The following PRPSAP2 variants were observed in gnomAD, a reference collection of about 807,000 sequenced individuals.
The protein encoded by PRPSAP2 is phosphoribosyl pyrophosphate synthase-associated protein 2.
Under a neutral mutation model 40.6 loss-of-function variants are expected in PRPSAP2, and 24 were observed. That is an observed-to-expected ratio of 0.59 (90% CI 0.43 to 0.83). The LOEUF is 0.83. Ranked by LOEUF, PRPSAP2 falls within the 40% of genes least tolerant of loss-of-function variation. The pLI, the probability that PRPSAP2 is intolerant of heterozygous loss-of-function variation, is 0.00. For synonymous variants in PRPSAP2, 149 were observed against 164.7 expected (o/e 0.90, Z 0.73); for missense variants, 292 against 465.6 (o/e 0.63, Z 3.43).
chr17:18,901,399 A>G (rs1348127255), intron 8 of PRPSAP2, among the ~76,000 whole-genome samples: 2 of 151,226 alleles, frequency 1.3e-5, no homozygotes, highest in Admixed American at 1.3e-4. Flanking sequence ...TTTTTTTTTG[A>G]GACGGAATCT....
chr17:18,857,953 A>C (rs1028016770), upstream of PRPSAP2: 2 of 152,490 alleles, frequency 1.3e-5, no homozygotes, highest in Admixed American at 1.3e-4. Flanking sequence ...CCCAGGGACC[A>C]AAACAGGCGC....
chr17:18,880,865 G>A (rs1011981287), intron 6 of PRPSAP2, among the ~76,000 whole-genome samples: 6 of 151,598 alleles, frequency 4.0e-5, no homozygotes, highest in Admixed American at 3.3e-4. Flanking sequence ...ATGGAGTCTC[G>A]CTCTGTCGCC....
chr17:18,883,653 T>C (rs967733263), intron 7 of PRPSAP2, among the ~76,000 whole-genome samples: 1 of 152,168 alleles, frequency 6.6e-6, no homozygotes, highest in African/African-American at 2.4e-5. Context: ...CCCAAAGTGC[T>C]GGGATTACAG....
intron 4 of PRPSAP2, among the ~76,000 whole-genome samples, chr17:18,869,364 G>T (rs1056802270): frequency 6.0e-5 from 9 of 149,928 alleles, no homozygotes; most frequent in African/African-American, 2.2e-4. Context: ...TTGAGACAGG[G>T]TCTTTCTGTG....
At chr17:18,888,839 G>T (rs1567703142) in intron 7 of PRPSAP2, among the ~76,000 whole-genome samples, 1 of 34,354 alleles carries the variant, frequency 2.9e-5, no homozygotes, top group African/African-American at 1.2e-4. Context: ...GGGCAGAGGC[G>T]CCCCTCACCT....
chr17:18,897,853 T>C (rs1391572385), intron 8 of PRPSAP2, among the ~76,000 whole-genome samples: 1 of 152,246 alleles, frequency 6.6e-6, no homozygotes, highest in East Asian at 1.9e-4. Context: ...TACAATATAC[T>C]GATGTCATTT....
chr17:18,868,497 AAG>A (rs2037597171), intron 4 of PRPSAP2, among the ~76,000 whole-genome samples: 1 of 151,900 alleles, frequency 6.6e-6, no homozygotes, highest in African/African-American at 2.4e-5. Context: ...AAAAAAAAAA[AAG>A]AAATTATTTT....
At chr17:18,929,080 G>A in intron 11 of PRPSAP2, 123 bp downstream of exon 11, 1 of 1,396,238 alleles carries the variant, frequency 7.2e-7, no homozygotes, top group Admixed American at 2.2e-5. Flanking sequence ...TCAAGGGCTG[G>A]GTGCAGTGGT....
At chr17:18,923,327 C>G (rs1413551194) in intron 9 of PRPSAP2, among the ~76,000 whole-genome samples, 1 of 149,968 alleles carries the variant, frequency 6.7e-6, no homozygotes, top group African/African-American at 2.5e-5. Context: ...AGGAAGGTCC[C>G]GATCTCCTGA....
intron 8 of PRPSAP2, among the ~76,000 whole-genome samples, chr17:18,892,688 AGTGTGTGTGTGT>A (rs3043879): frequency 6.6e-5 from 5 of 75,382 alleles, no homozygotes; most frequent in African/African-American, 1.4e-4. Context: ...CAGCCTGTTG[AGTGTGTGTGTGT>A]GTGTGTGTGT....
intron 9 of PRPSAP2, among the ~76,000 whole-genome samples, chr17:18,914,571 T>A (rs2151958250): frequency 6.6e-6 from 1 of 152,198 alleles, no homozygotes; most frequent in South Asian, 2.1e-4. Context: ...TGCTTTTACA[T>A]TCTTTACAAG....
At chr17:18,858,737 A>G (rs1049196026) in intron 1 of PRPSAP2, 1 of 152,168 alleles carries the variant, frequency 6.6e-6, no homozygotes, top group African/African-American at 2.4e-5. Flanking sequence ...GGGAACCGTG[A>G]TGAAATTTTT....
At chr17:18,916,517 G>C (rs1393627123) in intron 9 of PRPSAP2, among the ~76,000 whole-genome samples, 1 of 151,862 alleles carries the variant, frequency 6.6e-6, no homozygotes, top group African/African-American at 2.4e-5. Context: ...GAGTAGCTGG[G>C]ATTACAGGCG....
intron 7 of PRPSAP2, among the ~76,000 whole-genome samples, 184 bp from the exon 8 acceptor site, chr17:18,889,618 TTTTTTCCTAAAAGAAGTCTG>T (rs1321480237): frequency 6.6e-6 from 1 of 152,238 alleles, no homozygotes; most frequent in African/African-American, 2.4e-5. Context: ...TTATCCCTAC[TTTTTTCCTAAAAGAAGTCTG>T]TGTGGCTCAC....
chr17:18,892,737 A>ATTTTT (rs1164343157), intron 8 of PRPSAP2, among the ~76,000 whole-genome samples: 1 of 57,802 alleles, frequency 1.7e-5, no homozygotes, highest in African/African-American at 6.1e-5. Flanking sequence ...GTATTTATTT[A>ATTTTT]TTTATTTATT....
intron 9 of PRPSAP2, among the ~76,000 whole-genome samples, chr17:18,914,064 C>T (rs559278514): frequency 6.3e-4 from 96 of 151,390 alleles, no homozygotes; most frequent in Admixed American, 8.6e-4. Flanking sequence ...ATCCCAACTA[C>T]TCGGGAGGCT....
chr17:18,886,342 A>C (rs2039140015), intron 7 of PRPSAP2, among the ~76,000 whole-genome samples: 1 of 151,468 alleles, frequency 6.6e-6, no homozygotes, highest in Non-Finnish European at 1.5e-5. Context: ...GTTGCCTTGA[A>C]ATTTTTGCCA....
At position 18,930,636 on chromosome 17, in the gene PRPSAP2, C is replaced by G. The variant is rs201454078; in HGVS notation, c.1048C>G (p.Arg350Gly). The change falls in exon 12 of 12, where the codon CGT becomes GGT. Residue 350 changes from arginine to glycine, a missense_variant. This residue lies in a region of PRPSAP2 where 241 missense variants were observed against 425.7 expected (regional missense o/e 0.57). Transcript: ENST00000268835. ...DISMILSEAI[R>G]RIHNGESMSY... ...CAGCATGATCCTTTCAGAGGCGATCCGTCGGATCCACAATGGGGAGTCCAT... is the reference window on the plus strand; with the variant it reads ...CAGCATGATCCTTTCAGAGGCGATCGGTCGGATCCACAATGGGGAGTCCAT... 1 of 1,613,772 alleles carries G rather than the reference C, an allele frequency of 6.2e-7. No homozygotes were observed. The highest frequency in any genetic ancestry group is 1.7e-5 in the Admixed American group (1 of 60,006).
chr17:18,882,783 A>ACAATACATCAAGTT, intron 7 of PRPSAP2, 100 bp downstream of exon 7: 1 of 768,856 alleles, frequency 1.3e-6, no homozygotes, highest in Non-Finnish European at 2.2e-6. Flanking sequence ...AACTTGATGT[A>ACAATACATCAAGTT]TTGTACTTAA....
Sources: allele counts gnomAD v4.1 joint callset (sites outside exome capture counted in the v4.1 genomes callset), GRCh38; gene constraint gnomAD v4.1.1; regional missense constraint gnomAD v4.1.1; transcripts MANE v1.5; gene names NCBI Gene and HGNC (gene_info 2026-07-23, HGNC 2026-07-21).